Variants in SOCS7 observed in about 807,000 individuals in gnomAD.
SOCS7 encodes the protein suppressor of cytokine signaling 7.
SOCS7 carries 18 observed loss-of-function variants against 58.9 expected under a neutral mutation model. The ratio of observed to expected loss-of-function variants is 0.31; its 90% CI spans 0.21 to 0.45. The LOEUF (loss-of-function observed/expected upper bound fraction) is 0.45, where lower values mean the gene tolerates loss of function less well. Among genes scored for constraint, SOCS7 ranks in the 20% least tolerant of loss-of-function variants. The pLI is 1.00. For missense variants in SOCS7, 667 were observed against 837.3 expected, an observed-to-expected ratio of 0.80 and a Z score of 2.51; for synonymous variants, 388 against 364.3, an observed-to-expected ratio of 1.06 and a Z score of -0.74.
chr17:38,360,072 C>T (rs2037695960), intron 1 of SOCS7, among the ~76,000 whole-genome samples: 1 of 152,018 alleles, frequency 6.6e-6, no homozygotes, highest in African/African-American at 2.4e-5. Flanking sequence ...GCCATCGCAC[C>T]GGGCCTGAGG....
intron 6 of SOCS7, chr17:38,375,734 A>T (rs1472983170): frequency 6.6e-6 from 1 of 152,076 alleles, no homozygotes; most frequent in Non-Finnish European, 1.5e-5. Context: ...GGGTCAGTTT[A>T]TGTATGTAAA....
In SOCS7 at chr17:38,366,313, C is replaced by G; in HGVS notation, c.1279C>G (p.Arg427Gly). Residue 427 changes from arginine to glycine, a missense_variant, in exon 5 of 10, where the codon CGA becomes GGA. Physicochemically the swap from Arg to Gly is moderately radical, Grantham distance 125. Around this residue, in one of 9 missense-constraint regions of SOCS7, gnomAD observed 99 missense variants for 122.9 expected, o/e 0.81. Transcript: ENST00000612932. ...TGCATTTCCCCGGATTGCTCCCATC[C>G]GAGCAGCTGAATCCCTGCACAGCCA... is the stretch of plus-strand genomic sequence containing the variant. ...PDAFPRIAPI[R>G]AAESLHSQPP... is the part of the protein sequence containing the mutation. 6.2e-7 allele frequency: 1 copy of G among 1,614,140 alleles called. No individual in the cohort carries two copies. The highest frequency in any genetic ancestry group is 8.5e-7 in the Non-Finnish European group (1 of 1,180,016).
intron 6 of SOCS7, among the ~76,000 whole-genome samples, chr17:38,374,596 G>A (rs2037908389): frequency 6.6e-6 from 1 of 152,174 alleles, no homozygotes; most frequent in Admixed American, 6.5e-5. Context: ...GACTTCATAG[G>A]ATCTGTGACA....
At chr17:38,392,068 T>C (rs1394392238) in intron 7 of SOCS7, among the ~76,000 whole-genome samples, 1 of 152,220 alleles carries the variant, frequency 6.6e-6, no homozygotes, top group Admixed American at 6.5e-5. Context: ...ACTCTTTTAG[T>C]CCCAGTTGGG....
In SOCS7 at chr17:38,352,188, C is replaced by T; in HGVS notation, c.136C>T (p.Pro46Ser). The change falls in exon 1 of 10, where the codon CCG becomes TCG. Residue 46 changes from proline (P) to serine (S), a missense_variant. Pro to Ser is a moderately conservative substitution (Grantham distance 74). This residue lies in a region of SOCS7 where 65 missense variants were observed against 51.0 expected (regional missense o/e 1.27). Coordinates refer to ENST00000612932, the MANE Select transcript of SOCS7 (RefSeq NM_014598.4). This position sits in a 1 kb window ranked among gnomAD's most constrained non-coding sequence, Gnocchi z 5.5. ...GCCACCGCCCCCGGGCCATGGCCCC[C>T]CGCCGCCACCCTTCCTCGCGCGGCC... ...PPPPPPGHGP[P>S]PPPFLARPGP... 2.3e-6 allele frequency: 3 copies of T among 1,304,428 alleles called. No individual in the cohort carries two copies. The highest frequency in any genetic ancestry group is 2.9e-6 in the Non-Finnish European group (3 of 1,034,682). The allele number at this position is 1,304,428 out of a possible 1,614,324, so 80.8% of individuals were successfully genotyped here.
In SOCS7 at chr17:38,352,174, C is replaced by T; in HGVS notation, c.122C>T (p.Pro41Leu). Residue 41 changes from proline (P) to leucine (L), a missense_variant, in exon 1 of 10, where the codon CCG becomes CTG. Pro to Leu is a moderately conservative substitution (Grantham distance 98). Coordinates refer to ENST00000612932, the MANE Select transcript of SOCS7 (RefSeq NM_014598.4). The surrounding 1 kb of genome is among the most constrained non-coding windows in gnomAD (Gnocchi z 5.5). ...APEPGPPPPP[P>L]GHGPPPPPFL... The stretch of plus-strand genomic sequence containing the variant: ...GAGCCAGGCCCTCCGCCACCGCCCC[C>T]GGGCCATGGCCCCCCGCCGCCACCC... 2 of 1,266,440 alleles carry T rather than the reference C, an allele frequency of 1.6e-6. No homozygotes were observed. Among genetic ancestry groups the T allele is most frequent in the Non-Finnish European group, 2.0e-6 (2 of 1,008,856 alleles). The allele number at this position is 1,266,440 out of a possible 1,614,324, so 78.5% of individuals were successfully genotyped here. A position where few individuals can be genotyped will look rare whatever the true frequency, so the allele number is the denominator to read the frequency against.
intron 7 of SOCS7, among the ~76,000 whole-genome samples, chr17:38,382,437 C>CAAA (rs1190332565): frequency 1.8e-4 from 12 of 68,528 alleles, no homozygotes; most frequent in South Asian, 5.4e-4. Context: ...GACCCTATCT[C>CAAA]AAAAAAAAAA....
rs1411257995 is a variant in SOCS7, at chr17:38,401,930, C to T, written c.*2448C>T. 2 of 152,290 alleles carry T rather than the reference C, an allele frequency of 1.3e-5. No individual in the cohort carries two copies. The highest frequency in any genetic ancestry group is 4.8e-5 in the African/African-American group (2 of 41,452). The allele number at this position is 152,290 out of a possible 1,614,324, so 9.4% of individuals were successfully genotyped here. ...GGAGCCCAAAGCCCAAAGGAGTCAG[C>T]AAGGCTCCTGCCCATTGCCAGGGCC... On this transcript the variant is annotated 3_prime_UTR_variant, in exon 10 of 10. Coordinates refer to ENST00000612932, the MANE Select transcript of SOCS7 (RefSeq NM_014598.4).
chr17:38,364,921 T>G (rs1439858538), intron 3 of SOCS7, 65 bp downstream of exon 3: 3 of 1,286,504 alleles, frequency 2.3e-6, no homozygotes, highest in African/African-American at 1.5e-5. Context: ...GACTTGTTCT[T>G]TGCTGGGGGC....
intron 4 of SOCS7, chr17:38,365,946 G>C: frequency 1.9e-6 from 2 of 1,064,508 alleles, no homozygotes; most frequent in Non-Finnish European, 2.3e-6. Flanking sequence ...CTATTTCCAA[G>C]GCTGCCTTAT....
intron 7 of SOCS7, among the ~76,000 whole-genome samples, chr17:38,393,342 T>C (rs1597713252): frequency 6.6e-6 from 1 of 152,304 alleles, no homozygotes; most frequent in East Asian, 1.9e-4. Flanking sequence ...AAATAAAATT[T>C]TAAAACTATC....
At chr17:38,385,579 C>T (rs1045469541) in intron 7 of SOCS7, among the ~76,000 whole-genome samples, 1 of 151,992 alleles carries the variant, frequency 6.6e-6, no homozygotes, top group Non-Finnish European at 1.5e-5. Flanking sequence ...GTGCCCCATA[C>T]TAATCTCTAC....
intron 7 of SOCS7, among the ~76,000 whole-genome samples, chr17:38,391,068 A>G (rs2038167455): frequency 6.6e-6 from 1 of 151,938 alleles, no homozygotes; most frequent in Non-Finnish European, 1.5e-5. Context: ...TTTTGATCCT[A>G]TTGTAAATTG....
At chr17:38,390,920 C>T (rs892143422) in intron 7 of SOCS7, among the ~76,000 whole-genome samples, 12 of 151,988 alleles carry the variant, frequency 7.9e-5, no homozygotes, top group African/African-American at 2.7e-4. Context: ...GGTTTCTAAC[C>T]CTTTGGCTCA....
intron 7 of SOCS7, among the ~76,000 whole-genome samples, chr17:38,387,102 A>AAAAAAT (rs1244894607): frequency 5.9e-5 from 3 of 51,138 alleles, no homozygotes; most frequent in African/African-American, 2.6e-4. Context: ...AAAAAAAAAA[A>AAAAAAT]ATATATATAT....
At chr17:38,379,576 G>T (rs1235785426) in intron 7 of SOCS7, among the ~76,000 whole-genome samples, 1 of 152,128 alleles carries the variant, frequency 6.6e-6, no homozygotes, top group Non-Finnish European at 1.5e-5. Flanking sequence ...CCTAGAAATT[G>T]CTCTAAACTG....
At chr17:38,368,420 T>C (rs909208234) in intron 6 of SOCS7, among the ~76,000 whole-genome samples, 1 of 152,202 alleles carries the variant, frequency 6.6e-6, no homozygotes, top group Non-Finnish European at 1.5e-5. Context: ...GTTAAACTTA[T>C]CATCTAGAGA....
In SOCS7 at chr17:38,401,286, C is replaced by A. The variant is rs1400953050; in HGVS notation, c.*1804C>A. 6.6e-6 allele frequency: 1 copy of A among 152,046 alleles called. No individual in the cohort carries two copies. Among genetic ancestry groups the A allele is most frequent in the Non-Finnish European group, 1.5e-5 (1 of 68,006 alleles). The allele number at this position is 152,046 out of a possible 1,614,324, so 9.4% of individuals were successfully genotyped here. A position where few individuals can be genotyped will look rare whatever the true frequency, so the allele number is the denominator to read the frequency against. On this transcript the variant is annotated 3_prime_UTR_variant, in exon 10 of 10. Transcript: ENST00000612932. ...TCCTTGGCTTCCATGGTAGTATTAT[C>A]AACTAAGCAAGATTGTGATCCCAGA...
chr17:38,373,394 T>G (rs557366839), intron 6 of SOCS7, among the ~76,000 whole-genome samples: 1 of 152,226 alleles, frequency 6.6e-6, no homozygotes, highest in South Asian at 2.1e-4. Context: ...AGGTTTTTAA[T>G]GAAGATGAAA....
Sources: gnomAD v4.1 joint callset for allele counts (sites outside exome capture counted in the v4.1 genomes callset) on GRCh38, gnomAD v4.1.1 for gene constraint, gnomAD v4.1.1 regional missense constraint, Gnocchi (gnomAD v3.1) non-coding constraint, MANE v1.5 for transcripts, NCBI Gene and HGNC (gene_info 2026-07-23, HGNC 2026-07-21) for gene names.